Variants in RYR1 observed in about 807,000 individuals in gnomAD.
RYR1 encodes central core disease of muscle.
Under a neutral mutation model 583.5 loss-of-function variants are expected in RYR1, and 342 were observed. That is an observed-to-expected ratio of 0.59 (90% confidence interval 0.54 to 0.64). The LOEUF is 0.64. Among genes scored for constraint, RYR1 ranks in the 30% least tolerant of loss-of-function variants. The pLI is 0.00. For missense variants in RYR1, 6,032 were observed against 6,917.2 expected (o/e 0.87, Z 4.54); for synonymous variants, 2,791 against 2,822.5 (o/e 0.99, Z 0.35).
intron 84 of RYR1, among the ~76,000 whole-genome samples, chr19:38,542,721 A>T (rs958660991): frequency 2.6e-5 from 4 of 151,932 alleles, no homozygotes; most frequent in African/African-American, 9.7e-5. Flanking sequence ...GGATTTCACC[A>T]TGTTGGCCAG....
Position 38,469,120 on chromosome 19 carries a change from G to A in RYR1, c.3536G>A (p.Arg1179Gln), listed in dbSNP as rs1370928636. ...MSDSGSETAFREIEIGDGFLP... is the reference protein window; with the variant it reads ...MSDSGSETAFQEIEIGDGFLP... The stretch of plus-strand genomic sequence containing the variant: ...GACTCAGGCTCCGAAACAGCCTTCC[G>A]GGAGATTGAGATTGGGGACGGTGAG... The change falls in exon 26 of 106, where the codon CGG becomes CAG. Residue 1179 changes from arginine (R) to glutamine (Q), a missense_variant. By Grantham distance (43) the Arg-to-Gln change is conservative. Around this residue, in one of 11 missense-constraint regions of RYR1, gnomAD observed 2,627 missense variants for 2,961.3 expected, o/e 0.89. Coordinates refer to ENST00000359596, the MANE Select transcript of RYR1 (RefSeq NM_000540.3). 8 of 1,614,150 alleles carry A rather than the reference G, an allele frequency of 5.0e-6. No individual in the cohort carries two copies. Among genetic ancestry groups the A allele is most frequent in the Non-Finnish European group, 6.8e-6 (8 of 1,180,036 alleles).
Position 38,558,772 on chromosome 19 carries a change from C to T in RYR1, c.12283-2341C>T, listed in dbSNP as rs373072653. The stretch of plus-strand genomic sequence containing the variant: ...CCAGCCTGGGTGACAGAGCAAGACT[C>T]TGTCTCAAAAAATAAAAATAATTTT... On this transcript the variant is annotated intron_variant, in intron 89 of 105. Transcript: ENST00000359596. Among the ~76,000 whole-genome samples the T allele has an allele frequency of 8.5e-4, 128 of 150,134 alleles. 1 individual carries two copies. The highest frequency in any genetic ancestry group is 3.0e-3 in the African/African-American group (120 of 40,008).
chr19:38,499,716 G>A lies in RYR1; in HGVS notation c.7109G>A (p.Gly2370Asp). Residue 2370 changes from glycine to aspartate, a missense_variant, in exon 44 of 106, where the codon GGT becomes GAT. This residue lies in a region of RYR1 where 2,627 missense variants were observed against 2,961.3 expected (regional missense o/e 0.89). Coordinates refer to ENST00000359596, the MANE Select transcript of RYR1 (RefSeq NM_000540.3). This position sits in a 1 kb window ranked among gnomAD's most constrained non-coding sequence, Gnocchi z 7.3. ...KPECFGPALR[G>D]EGGSGLLAAI... ...GAGTGCTTCGGACCCGCCCTGCGGG[G>A]TGAGGGTGGCTCAGGGCTGCTGGCT... The A allele has an allele frequency of 6.2e-7, 1 of 1,601,794 alleles. No individual in the cohort carries two copies. The highest frequency in any genetic ancestry group is 8.5e-7 in the Non-Finnish European group (1 of 1,179,634).
intron 92 of RYR1, among the ~76,000 whole-genome samples, chr19:38,567,256 G>A (rs909844051): frequency 1.3e-5 from 2 of 152,128 alleles, no homozygotes; most frequent in East Asian, 3.9e-4. Flanking sequence ...ACCCCTGGAG[G>A]TGGAGGCTGC....
At chr19:38,564,639 T>TC (rs1466470023) in intron 90 of RYR1, among the ~76,000 whole-genome samples, 1 of 151,466 alleles carries the variant, frequency 6.6e-6, no homozygotes, top group Non-Finnish European at 1.5e-5. Context: ...TACCTCAGCC[T>TC]CCCGAGTAAC....
chr19:38,520,090 T>TTTTC (rs1306430754), intron 67 of RYR1, among the ~76,000 whole-genome samples: 1 of 149,456 alleles, frequency 6.7e-6, no homozygotes, highest in African/African-American at 2.5e-5. Flanking sequence ...TTTTTTTTTT[T>TTTTC]ATTGAGACAG....
At position 38,465,864 on chromosome 19, in the gene RYR1, G is replaced by A. The variant is rs145156177; in HGVS notation, c.2871-227G>A. On this transcript the variant is annotated intron_variant, in intron 23 of 105. Transcript: ENST00000359596. ...AGGGGTCCCAAAGTCAAGACAAAGG[G>A]GGCTAGAGGTCATTGATGTCAAAGC... Among the ~76,000 whole-genome samples, 1,149 of 152,326 alleles carry A rather than the reference G, an allele frequency of 7.5e-3. 16 individuals carry two copies. The highest frequency in any genetic ancestry group is 0.026 in the African/African-American group (1,096 of 41,566).
rs1166833935 is a variant in RYR1, at chr19:38,499,783, G to A, written c.7176G>A (p.Arg2392=). 1 of 1,603,824 alleles carries A rather than the reference G, an allele frequency of 6.2e-7. No homozygotes were observed. The highest frequency in any genetic ancestry group is 2.2e-5 in the East Asian group (1 of 44,790). Residue 2392 remains arginine (R), a synonymous_variant, in exon 44 of 106, where the codon AGG becomes AGA. Transcript: ENST00000359596. This position sits in a 1 kb window ranked among gnomAD's most constrained non-coding sequence, Gnocchi z 7.3. ...EAIRISEDPA[R]DGPGIRRDRR... ...TCCGCATCTCCGAGGACCCTGCGAGGGATGGCCCAGGCATCCGCAGGGACC... is the reference window on the plus strand; with the variant it reads ...TCCGCATCTCCGAGGACCCTGCGAGAGATGGCCCAGGCATCCGCAGGGACC...
At chr19:38,522,902 C>G in intron 67 of RYR1, 126 bp from the exon 68 acceptor site, 1 of 800,826 alleles carries the variant, frequency 1.2e-6, no homozygotes, top group South Asian at 1.5e-5. Context: ...CCAGATGACC[C>G]TAGAAACCCC....
Position 38,565,458 on chromosome 19 carries a change from C to G in RYR1, c.13124C>G (p.Thr4375Arg). 6.7e-7 allele frequency: 1 copy of G among 1,501,260 alleles called. No individual in the cohort carries two copies. The highest frequency in any genetic ancestry group is 8.8e-7 in the Non-Finnish European group (1 of 1,132,594). The allele number at this position is 1,501,260 out of a possible 1,614,324, so 93.0% of individuals were successfully genotyped here. A position where few individuals can be genotyped will look rare whatever the true frequency, so the allele number is the denominator to read the frequency against. ...CTGGTGGAGGGCGCCAAGAAGGTGA[C>G]GGTGACCGAGCTCCTGGCAGGCATG... ...GGLVEGAKKV[T>R]VTELLAGMPD... The change falls in exon 91 of 106, where the codon ACG becomes AGG. Residue 4375 changes from threonine to arginine, a missense_variant. This residue lies in a region of RYR1 where 753 missense variants were observed against 759.6 expected (regional missense o/e 0.99). Transcript: ENST00000359596. This position sits in a 1 kb window ranked among gnomAD's most constrained non-coding sequence, Gnocchi z 4.7.
At position 38,496,685 on chromosome 19, in the gene RYR1, G is replaced by A; in HGVS notation, c.6796+144G>A. 4 of 1,211,948 alleles carry A rather than the reference G, an allele frequency of 3.3e-6. No homozygotes were observed. The South Asian group carries it at 3.8e-5, about 11-fold the overall frequency. 75.1% of individuals were successfully genotyped at this position (1,211,948 alleles called of 1,614,324 possible). A position where few individuals can be genotyped will look rare whatever the true frequency, so the allele number is the denominator to read the frequency against. On this transcript the variant is annotated intron_variant, in intron 41 of 105. Transcript: ENST00000359596. This position sits in a 1 kb window ranked among gnomAD's most constrained non-coding sequence, Gnocchi z 4.8. ...CTGGCCCTGTAATGAGTAATGCTGGGGACACAATAGTGACCCCAATAGTGA... is the reference window on the plus strand; with the variant it reads ...CTGGCCCTGTAATGAGTAATGCTGGAGACACAATAGTGACCCCAATAGTGA...
intron 1 of RYR1, among the ~76,000 whole-genome samples, chr19:38,434,754 G>T (rs949551332): frequency 6.6e-6 from 1 of 152,098 alleles, no homozygotes; most frequent in South Asian, 2.1e-4. Context: ...CAGTGGCTCC[G>T]CAGGGTGTGG....
Position 38,519,198 on chromosome 19 carries a change from C to A in RYR1, c.10019-16C>A. The A allele has an allele frequency of 6.2e-7, 1 of 1,614,032 alleles. No individual in the cohort carries two copies. The highest frequency in any genetic ancestry group is 1.1e-5 in the South Asian group (1 of 91,050). The stretch of plus-strand genomic sequence containing the variant: ...AGAGGCCGGAGGTGGCATCAGAGCC[C>A]ATCGCACCCCTGCAGTGTTCGCACA... On this transcript the variant is annotated splice_polypyrimidine_tract_variant and intron_variant, in intron 66 of 105. Transcript: ENST00000359596.
Position 38,444,121 on chromosome 19 carries a change from G to A in RYR1, c.425-28G>A. The A allele has an allele frequency of 6.3e-7, 1 of 1,583,668 alleles. No individual in the cohort carries two copies. Among genetic ancestry groups the A allele is most frequent in the South Asian group, 1.1e-5 (1 of 90,494 alleles). ...CATTCTGGGAAGCCATCATCTGACA[G>A]CCACCCCCATTCCATCCCCACCCAT... On this transcript the variant is annotated intron_variant, in intron 5 of 105. Transcript: ENST00000359596. This position sits in a 1 kb window ranked among gnomAD's most constrained non-coding sequence, Gnocchi z 5.1.
intron 26 of RYR1, 64 bp from the exon 27 acceptor site, chr19:38,469,241 C>T (rs1968286275): frequency 6.2e-7 from 1 of 1,605,570 alleles, no homozygotes; most frequent in South Asian, 1.1e-5. Flanking sequence ...CCTACCTCCT[C>T]CCCTCGGCTC....
Position 38,561,154 on chromosome 19 carries a change from G to A in RYR1, c.12324G>A (p.Gln4108=), listed in dbSNP as rs762061959. 6.2e-7 allele frequency: 1 copy of A among 1,614,152 alleles called. No individual in the cohort carries two copies. The highest frequency in any genetic ancestry group is 8.5e-7 in the Non-Finnish European group (1 of 1,180,034). The change falls in exon 90 of 106, where the codon CAG becomes CAA. Residue 4108 remains glutamine, a synonymous_variant. Coordinates refer to ENST00000359596, the MANE Select transcript of RYR1 (RefSeq NM_000540.3). This position sits in a 1 kb window ranked among gnomAD's most constrained non-coding sequence, Gnocchi z 4.8. ...AGCAGTTCAGCGGTCCAGAAATCCA[G>A]TTCCTGCTTTCGTGCTCCGAAGCGG... ...SQKQFSGPEI[Q]FLLSCSEADE...
At position 38,483,625 on chromosome 19, in the gene RYR1, C is replaced by A; in HGVS notation, c.4934+109C>A. ...CACAACCCCGGGATTCCAGACTACA[C>A]CCCAGGAATCTCCAGACCTACCTCA... On this transcript the variant is annotated intron_variant, in intron 33 of 105. Coordinates refer to ENST00000359596, the MANE Select transcript of RYR1 (RefSeq NM_000540.3). The surrounding 1 kb of genome is among the most constrained non-coding windows in gnomAD (Gnocchi z 6.3). 2.1e-6 allele frequency: 2 copies of A among 969,278 alleles called. No individual in the cohort carries two copies. Among genetic ancestry groups the A allele is most frequent in the Non-Finnish European group, 3.1e-6 (2 of 641,990 alleles). The allele number at this position is 969,278 out of a possible 1,614,324, so 60.0% of individuals were successfully genotyped here.
At chr19:38,484,184 C>T (rs755206109) in intron 33 of RYR1, among the ~76,000 whole-genome samples, 3 of 151,952 alleles carry the variant, frequency 2.0e-5, no homozygotes, top group Non-Finnish European at 4.4e-5. Context: ...CCCAGCTACT[C>T]GGGAGGCTGA....
rs200289457 is a variant in RYR1, at chr19:38,477,722, G to A, written c.4306G>A (p.Val1436Met). The A allele has an allele frequency of 7.7e-5, 125 of 1,614,014 alleles. 2 individuals carry two copies. The Middle Eastern group carries it at 9.9e-4, about 13-fold the overall frequency. ...CTTGTGTCACCAGTACTATTACTCC[G>A]TGAGGGTCTTTGCTGGACAGGAGCC... ...ILNTTTYYYS[V>M]RVFAGQEPSC... Residue 1436 changes from valine (V) to methionine (M), a missense_variant, in exon 30 of 106, where the codon GTG becomes ATG. This residue lies in a region of RYR1 where 2,627 missense variants were observed against 2,961.3 expected (regional missense o/e 0.89). Transcript: ENST00000359596.
Sources: allele counts gnomAD v4.1 joint callset (sites outside exome capture counted in the v4.1 genomes callset), GRCh38; gene constraint gnomAD v4.1.1; regional missense constraint gnomAD v4.1.1; non-coding constraint Gnocchi (gnomAD v3.1); transcripts MANE v1.5; gene names NCBI Gene and HGNC (gene_info 2026-07-23, HGNC 2026-07-21).